Variants in ASH1L observed in about 807,000 individuals in gnomAD.
ASH1L encodes histone-lysine N-methyltransferase ASH1L.
ASH1L carries 23 observed loss-of-function variants against 269.0 expected under a neutral mutation model. The observed-to-expected ratio is 0.09, with a 90% CI of 0.06 to 0.12. The LOEUF is 0.12. ASH1L is among the 10% of genes least tolerant of loss of function. The pLI, the probability that ASH1L is intolerant of heterozygous loss-of-function variation, is 1.00. For synonymous variants in ASH1L, 1,187 were observed against 1,253.5 expected, an observed-to-expected ratio of 0.95 and a Z score of 1.12; for missense variants, 2,912 against 3,567.8, an observed-to-expected ratio of 0.82 and a Z score of 4.68.
intron 1 of ASH1L, among the ~76,000 whole-genome samples, chr1:155,554,482 G>C (rs113353466): frequency 0.011 from 1,612 of 152,192 alleles, 39 homozygotes; most frequent in African/African-American, 0.038. Flanking sequence ...ATGTTGGTCA[G>C]GCTGGTCTCA....
At chr1:155,551,617 G>A (rs1284535538) in intron 1 of ASH1L, among the ~76,000 whole-genome samples, 8 of 137,068 alleles carry the variant, frequency 5.8e-5, no homozygotes, top group Middle Eastern at 4.1e-3. Flanking sequence ...CCGAGATCCC[G>A]CCACTGCACT....
chr1:155,417,691 G>T (rs1220230421), intron 5 of ASH1L, among the ~76,000 whole-genome samples: 2 of 152,192 alleles, frequency 1.3e-5, no homozygotes, highest in Non-Finnish European at 2.9e-5. Flanking sequence ...GGGCGCAGTG[G>T]CTCACGCCTG....
At chr1:155,467,302 A>G (rs572023876) in intron 3 of ASH1L, among the ~76,000 whole-genome samples, 33 of 152,296 alleles carry the variant, frequency 2.2e-4, no homozygotes, top group African/African-American at 7.7e-4. Flanking sequence ...ATGTCTACCT[A>G]ACATACATAC....
At position 155,548,499 on chromosome 1, in the gene ASH1L, G is replaced by A. The variant is rs139522605; in HGVS notation, c.-100+13654C>T. Among the ~76,000 whole-genome samples the A allele has an allele frequency of 1.6e-3, 251 of 152,262 alleles. 1 individual carries two copies. The highest frequency in any genetic ancestry group is 5.8e-3 in the African/African-American group (240 of 41,544). On this transcript the variant is annotated intron_variant, in intron 1 of 27. Coordinates refer to ENST00000392403, the MANE Select transcript of ASH1L (RefSeq NM_018489.3). ...GATGGCACCATTGTACTCCAGCCTAGGCAACAGAGCCAGACTCCGTATCAA... is the reference window on the plus strand; with the variant it reads ...GATGGCACCATTGTACTCCAGCCTAAGCAACAGAGCCAGACTCCGTATCAA...
At chr1:155,361,285 G>A (rs1439233778) in intron 12 of ASH1L, among the ~76,000 whole-genome samples, 1 of 152,006 alleles carries the variant, frequency 6.6e-6, no homozygotes, top group African/African-American at 2.4e-5. Context: ...TTGGGAGGCT[G>A]AGGCAGGCAG....
intron 1 of ASH1L, among the ~76,000 whole-genome samples, chr1:155,543,794 T>C (rs1252057228): frequency 6.6e-6 from 1 of 151,896 alleles, no homozygotes; most frequent in Non-Finnish European, 1.5e-5. Context: ...TAGCTGAGCC[T>C]GGTGATATGC....
intron 2 of ASH1L, among the ~76,000 whole-genome samples, chr1:155,506,532 A>T (rs1333993518): frequency 6.6e-6 from 1 of 151,848 alleles, no homozygotes; most frequent in Non-Finnish European, 1.5e-5. Flanking sequence ...CCCCGTCTCT[A>T]CTAAAAATAC....
intron 5 of ASH1L, among the ~76,000 whole-genome samples, chr1:155,422,649 TTC>T (rs1200249694): frequency 2.0e-5 from 3 of 150,370 alleles, no homozygotes; most frequent in African/African-American, 4.9e-5. Context: ...TTCTTTTTCT[TTC>T]TGTTTTTTTT....
In ASH1L at chr1:155,438,623, G is replaced by C. The variant is rs1181881631; in HGVS notation, c.5532C>G (p.Asn1844Lys). Residue 1844 changes from asparagine to lysine, a missense_variant, in exon 5 of 28, where the codon AAC becomes AAG. Around this residue, in one of 13 missense-constraint regions of ASH1L, gnomAD observed 789 missense variants for 897.6 expected, o/e 0.88. Transcript: ENST00000392403. Reference protein sequence around the residue: ...KLQRQARTGNNFVKRRPGRPR... With the variant: ...KLQRQARTGNKFVKRRPGRPR... ...GTCGACCTGGCCTACGTTTCACAAAGTTATTCCCTGTCCTGGCCTGCCTTT... is the reference window on the plus strand; with the variant it reads ...GTCGACCTGGCCTACGTTTCACAAACTTATTCCCTGTCCTGGCCTGCCTTT... 1 of 1,614,202 alleles carries C rather than the reference G, an allele frequency of 6.2e-7. No homozygotes were observed. Among genetic ancestry groups the C allele is most frequent in the Non-Finnish European group, 8.5e-7 (1 of 1,180,028 alleles).
At chr1:155,467,167 A>G (rs1570902466) in intron 3 of ASH1L, among the ~76,000 whole-genome samples, 3 of 152,168 alleles carry the variant, frequency 2.0e-5, no homozygotes, top group East Asian at 1.9e-4. Flanking sequence ...CAGGTTTGTA[A>G]GTTCTGTCAT....
At chr1:155,389,949 C>T (rs957521785) in intron 7 of ASH1L, among the ~76,000 whole-genome samples, 7 of 129,590 alleles carry the variant, frequency 5.4e-5, no homozygotes, top group Admixed American at 4.5e-4. Context: ...CATCTATAAA[C>T]AGAAACAGTT....
chr1:155,424,083 A>G (rs1660940699), intron 5 of ASH1L, among the ~76,000 whole-genome samples: 1 of 152,162 alleles, frequency 6.6e-6, no homozygotes, highest in Admixed American at 6.6e-5. Flanking sequence ...GGTACATATC[A>G]AGCAGTTCAA....
chr1:155,499,635 T>C (rs1667379215), intron 2 of ASH1L, among the ~76,000 whole-genome samples: 1 of 152,150 alleles, frequency 6.6e-6, no homozygotes, highest in South Asian at 2.1e-4. Flanking sequence ...CATACAGCTG[T>C]AGCTCAGAAT....
chr1:155,422,861 G>A (rs1660817572), intron 5 of ASH1L, among the ~76,000 whole-genome samples: 1 of 151,630 alleles, frequency 6.6e-6, no homozygotes, highest in Non-Finnish European at 1.5e-5. Context: ...TGTTGACCAG[G>A]CTGGTCTTGA....
intron 24 of ASH1L, 75 bp from the exon 25 acceptor site, chr1:155,342,177 A>G: frequency 7.1e-7 from 1 of 1,403,004 alleles, no homozygotes; most frequent in Non-Finnish European, 1.0e-6. Context: ...CCCCATACAC[A>G]CCAATGGGAG....
At chr1:155,467,369 T>C (rs1445355939) in intron 3 of ASH1L, among the ~76,000 whole-genome samples, 2 of 152,242 alleles carry the variant, frequency 1.3e-5, no homozygotes, top group South Asian at 4.1e-4. Context: ...CTGGCCTTAC[T>C]TAAGTGTGTA....
At chr1:155,369,846 T>G (rs550237096) in intron 12 of ASH1L, among the ~76,000 whole-genome samples, 1 of 152,306 alleles carries the variant, frequency 6.6e-6, no homozygotes, top group Non-Finnish European at 1.5e-5. Context: ...CTCAGCTCAC[T>G]GCAACCTCGG....
intron 7 of ASH1L, among the ~76,000 whole-genome samples, chr1:155,380,522 C>T (rs1292801063): frequency 7.2e-5 from 11 of 151,942 alleles, no homozygotes; most frequent in Non-Finnish European, 1.5e-4. Context: ...AGAAGTTTTC[C>T]AGGCAAATTT....
chr1:155,453,492 C>T (rs1178955864), intron 4 of ASH1L, among the ~76,000 whole-genome samples: 1 of 152,146 alleles, frequency 6.6e-6, no homozygotes, highest in East Asian at 1.9e-4. Context: ...ACGGTAGCAA[C>T]AGTAACAACA....
Sources: allele counts gnomAD v4.1 joint callset (sites outside exome capture counted in the v4.1 genomes callset), GRCh38; gene constraint gnomAD v4.1.1; regional missense constraint gnomAD v4.1.1; transcripts MANE v1.5; gene names NCBI Gene and HGNC (gene_info 2026-07-23, HGNC 2026-07-21).